The following GLIS3 variants were observed in gnomAD, a reference collection of about 807,000 sequenced individuals.
GLIS3 encodes the protein GLIS family zinc finger 3.
In GLIS3, 53 loss-of-function variants were observed where a neutral mutation model predicts 78.6. The ratio of observed to expected loss-of-function variants is 0.67; its 90% CI spans 0.54 to 0.85. The LOEUF (loss-of-function observed/expected upper bound fraction) is 0.85, where lower values mean the gene tolerates loss of function less well. Ranked by LOEUF, GLIS3 falls within the 40% of genes least tolerant of loss-of-function variation. GLIS3 has a pLI of 0.00. For synonymous variants in GLIS3, 684 were observed against 509.9 expected (o/e 1.34, Z -4.60); for missense variants, 1,703 against 1,231.1 (o/e 1.38, Z -5.74).
chr9:3,921,838 TTAA>T (rs374313822), intron 6 of GLIS3, among the ~76,000 whole-genome samples: 34 of 151,956 alleles, frequency 2.2e-4, no homozygotes, highest in African/African-American at 7.7e-4. Context: ...ATATAAATGG[TTAA>T]TAAATTTTGA....
intron 4 of GLIS3, among the ~76,000 whole-genome samples, chr9:4,040,294 A>C (rs1486935170): frequency 3.4e-5 from 5 of 148,168 alleles, no homozygotes; most frequent in African/African-American, 1.2e-4. Flanking sequence ...GGTAAAAAAA[A>C]CAAAAAACAA....
rs376535281 is a variant in GLIS3, at chr9:4,293,379, C to G, written c.-99+6042G>C. 7.9e-4 allele frequency among the ~76,000 whole-genome samples: 120 copies of G among 152,310 alleles called. 1 individual carries two copies. Among genetic ancestry groups the G allele is most frequent in the African/African-American group, 2.8e-3 (118 of 41,566 alleles). ...TTAAAAGTGACCGATGTAACTATTTCTGGCTGTTGGTAGACAGCAGTTTTA... is the reference window on the plus strand; with the variant it reads ...TTAAAAGTGACCGATGTAACTATTTGTGGCTGTTGGTAGACAGCAGTTTTA... On this transcript the variant is annotated intron_variant, in intron 1 of 10. Coordinates refer to ENST00000381971, the MANE Select transcript of GLIS3 (RefSeq NM_001042413.2).
At chr9:3,869,241 A>AGAG (rs1820813970) in intron 8 of GLIS3, among the ~76,000 whole-genome samples, 1 of 145,914 alleles carries the variant, frequency 6.9e-6, no homozygotes, top group Non-Finnish European at 1.5e-5. Context: ...TACTACATTA[A>AGAG]AGAGAGTGAG....
rs370648246 is a variant in GLIS3 at position 4,186,203 on chromosome 9, G to T, written c.389-60262C>A. Among the ~76,000 whole-genome samples the T allele has an allele frequency of 5.1e-4, 68 of 132,932 alleles. 1 individual carries two copies. The highest frequency in any genetic ancestry group is 8.6e-4 in the Non-Finnish European group (56 of 65,404). 87.2% of individuals were successfully genotyped at this position (132,932 alleles called of 152,430 possible). On this transcript the variant is annotated intron_variant, in intron 2 of 10. Coordinates refer to ENST00000381971, the MANE Select transcript of GLIS3 (RefSeq NM_001042413.2). ...GTGATGTTCCCCTTCCTGTGTCCAC[G>T]TGTTCTCATTGTTCAATTCTCACCT...
At chr9:4,270,551 T>C (rs1399531388) in intron 2 of GLIS3, among the ~76,000 whole-genome samples, 3 of 152,162 alleles carry the variant, frequency 2.0e-5, no homozygotes, top group Non-Finnish European at 4.4e-5. Context: ...CAAAGGTGGG[T>C]TGGACTGAGC....
intron 4 of GLIS3, among the ~76,000 whole-genome samples, chr9:4,113,434 A>G (rs553867239): frequency 2.0e-5 from 3 of 152,312 alleles, no homozygotes; most frequent in African/African-American, 7.2e-5. Flanking sequence ...GGTTACACCA[A>G]TTTAGTCTCT....
At chr9:4,075,067 T>A (rs1173099632) in intron 4 of GLIS3, among the ~76,000 whole-genome samples, 6 of 121,156 alleles carry the variant, frequency 5.0e-5, no homozygotes, top group African/African-American at 3.0e-4. Flanking sequence ...AGTGATGGAA[T>A]TGAGCCTTTA....
At chr9:4,168,555 C>T (rs1816089102) in intron 2 of GLIS3, among the ~76,000 whole-genome samples, 1 of 152,238 alleles carries the variant, frequency 6.6e-6, no homozygotes, top group East Asian at 1.9e-4. Context: ...TAGTTCATGT[C>T]TACTAAATTA....
intron 2 of GLIS3, among the ~76,000 whole-genome samples, chr9:4,137,611 C>T (rs1833494990): frequency 6.6e-6 from 1 of 152,070 alleles, no homozygotes; most frequent in African/African-American, 2.4e-5. Flanking sequence ...GAACCTACAT[C>T]TCTGAGCCAC....
intron 1 of GLIS3, among the ~76,000 whole-genome samples, chr9:4,292,735 T>C (rs1363510696): frequency 6.6e-6 from 1 of 152,214 alleles, no homozygotes; most frequent in African/African-American, 2.4e-5. Flanking sequence ...ATTTTGGATC[T>C]TTTTCATTGC....
At chr9:4,413,163 G>C in the GLIS3 span, among the ~76,000 whole-genome samples, 2 of 152,210 alleles carry the variant, frequency 1.3e-5, no homozygotes, top group South Asian at 2.1e-4. Context: ...GTAAGACATG[G>C]TCTTGAGTTC....
At chr9:3,878,905 AGGCCTCTGGG>A in intron 8 of GLIS3, 1 of 159,428 alleles carries the variant, frequency 6.3e-6, no homozygotes, top group South Asian at 1.7e-4. Context: ...GGGCCTCGAA[AGGCCTCTGGG>A]GCCAATAAAG....
chr9:4,431,422 C>A, the GLIS3 span, among the ~76,000 whole-genome samples: 1 of 152,154 alleles, frequency 6.6e-6, no homozygotes, highest in Non-Finnish European at 1.5e-5. Flanking sequence ...TATTACAGTT[C>A]AGTGTAGATT....
At chr9:4,128,277 T>G (rs1175695081) in intron 2 of GLIS3, among the ~76,000 whole-genome samples, 1 of 152,250 alleles carries the variant, frequency 6.6e-6, no homozygotes, top group Non-Finnish European at 1.5e-5. Context: ...TGACCACTGC[T>G]TCTTTCATTT....
intron 2 of GLIS3, among the ~76,000 whole-genome samples, chr9:4,225,133 G>C (rs577330487): frequency 6.6e-6 from 1 of 151,576 alleles, no homozygotes; most frequent in Non-Finnish European, 1.5e-5. Context: ...CCTCAGAGAC[G>C]TTAAGGAGCT....
chr9:4,322,561 C>T (rs571512341), intron 2 of GLIS3, among the ~76,000 whole-genome samples: 91 of 152,286 alleles, frequency 6.0e-4, no homozygotes, highest in Middle Eastern at 3.4e-3. Context: ...GTTGTTGCCT[C>T]TCCAGAATCT....
intron 6 of GLIS3, among the ~76,000 whole-genome samples, chr9:3,907,657 A>G (rs1031392641): frequency 1.6e-5 from 2 of 123,384 alleles, no homozygotes; most frequent in African/African-American, 6.3e-5. Context: ...CACACACACT[A>G]CTAAACAGTG....
chr9:4,089,551 T>C (rs1415026171), intron 4 of GLIS3, among the ~76,000 whole-genome samples: 1 of 152,146 alleles, frequency 6.6e-6, no homozygotes, highest in Admixed American at 6.5e-5. Context: ...ATTGGCCATG[T>C]GTAGTGGCTC....
intron 2 of GLIS3, among the ~76,000 whole-genome samples, chr9:4,340,607 A>C (rs1312333151): frequency 6.6e-6 from 1 of 152,140 alleles, no homozygotes; most frequent in Non-Finnish European, 1.5e-5. Context: ...CCATGTGCTC[A>C]TCTCCACATC....
Sources: allele counts gnomAD v4.1 joint callset (sites outside exome capture counted in the v4.1 genomes callset), GRCh38; gene constraint gnomAD v4.1.1; transcripts MANE v1.5; gene names NCBI Gene and HGNC (gene_info 2026-07-23, HGNC 2026-07-21).